The following AGL variants were observed in gnomAD, a reference collection of about 807,000 sequenced individuals.
The protein encoded by AGL is glycogen debranching enzyme.
AGL carries 128 observed loss-of-function variants against 199.3 expected under a neutral mutation model. That is an observed-to-expected ratio of 0.64 (90% CI 0.56 to 0.74). The LOEUF (loss-of-function observed/expected upper bound fraction) is 0.74. AGL is among the 30% of genes least tolerant of loss of function. AGL has a pLI of 0.00. For missense variants in AGL, 1,809 were observed against 1,820.8 expected, an observed-to-expected ratio of 0.99 and a Z score of 0.12; for synonymous variants, 584 against 594.7, an observed-to-expected ratio of 0.98 and a Z score of 0.26.
Position 99,881,138 on chromosome 1 carries a change from T to C in AGL, c.1962T>C (p.Ser654=). ...TTIVSMACCA[S]GSTRGYDELV... is the part of the protein sequence containing the mutation. ...TTGTTTCTATGGCATGTTGTGCTAG[T>C]GGAAGTACAAGAGGCTATGATGAAT... The change falls in exon 15 of 34, where the codon AGT becomes AGC. Residue 654 remains serine, a synonymous_variant. Coordinates refer to ENST00000361915, the MANE Select transcript of AGL (RefSeq NM_000642.3). 6.2e-7 allele frequency: 1 copy of C among 1,614,022 alleles called. No individual in the cohort carries two copies. The highest frequency in any genetic ancestry group is 8.5e-7 in the Non-Finnish European group (1 of 1,179,948).
intron 5 of AGL, among the ~76,000 whole-genome samples, chr1:99,867,543 T>C (rs1044540250): frequency 1.3e-5 from 2 of 152,084 alleles, no homozygotes; most frequent in Non-Finnish European, 2.9e-5. Context: ...GAAGTTCTTT[T>C]TTTTTAATTT....
Position 99,874,726 on chromosome 1 carries a change from T to C in AGL, c.998T>C (p.Leu333Pro). The change falls in exon 8 of 34, where the codon CTT becomes CCT. Residue 333 changes from leucine to proline, a missense_variant. By Grantham distance (98) the Leu-to-Pro change is moderately conservative. Transcript: ENST00000361915. ...ACCAAGTCTGATCCAAACCAACACC[T>C]TACGATTATTCAAGATCCTGAATAC... ...RVTKSDPNQH[L>P]TIIQDPEYRR... is the part of the protein sequence containing the mutation. 2 of 1,613,620 alleles carry C rather than the reference T, an allele frequency of 1.2e-6. No individual in the cohort carries two copies. The highest frequency in any genetic ancestry group is 1.3e-5 in the African/African-American group (1 of 75,024).
In AGL at chr1:99,900,668, G is replaced by C. The variant is rs1216059782; in HGVS notation, c.3395G>C (p.Arg1132Thr). The change falls in exon 26 of 34, where the codon AGG (arginine) becomes ACG (threonine). Residue 1132 changes from arginine to threonine, a missense_variant. By Grantham distance (71) the Arg-to-Thr change is moderately conservative. Transcript: ENST00000361915. ...ATTTTAGCATTTGCGGGTACCCTGA[G>C]GCATGGTCTCATTCCTAATCTACTG... ...NIILAFAGTL[R>T]HGLIPNLLGE... 6.2e-7 allele frequency: 1 copy of C among 1,614,124 alleles called. No individual in the cohort carries two copies. Among genetic ancestry groups the C allele is most frequent in the Non-Finnish European group, 8.5e-7 (1 of 1,180,014 alleles).
intron 17 of AGL, among the ~76,000 whole-genome samples, chr1:99,883,627 A>G (rs1652221641): frequency 6.6e-6 from 1 of 152,190 alleles, no homozygotes; most frequent in African/African-American, 2.4e-5. Flanking sequence ...GGAAAATAAT[A>G]TATGTTGTTT....
intron 7 of AGL, among the ~76,000 whole-genome samples, chr1:99,871,717 T>C (rs1355345298): frequency 6.6e-6 from 1 of 152,186 alleles, no homozygotes; most frequent in Non-Finnish European, 1.5e-5. Flanking sequence ...ATTTTTAATA[T>C]TAACTTTTCT....
chr1:99,881,033 T>C (rs1557763665), intron 14 of AGL, 43 bp from the exon 15 acceptor site: 1 of 1,528,744 alleles, frequency 6.5e-7, no homozygotes, highest in Non-Finnish European at 9.1e-7. Context: ...CACTTTGCAT[T>C]TGAAAGAAAG....
intron 29 of AGL, among the ~76,000 whole-genome samples, chr1:99,912,848 G>A (rs1230407637): frequency 6.6e-6 from 1 of 152,098 alleles, no homozygotes; most frequent in Non-Finnish European, 1.5e-5. Context: ...AAAATAATGT[G>A]AACCACATAC....
chr1:99,919,326 A>G (rs1333778445), intron 33 of AGL, among the ~76,000 whole-genome samples: 2 of 152,184 alleles, frequency 1.3e-5, no homozygotes, highest in Admixed American at 6.5e-5. Flanking sequence ...CAGTTGTATC[A>G]GACAGGAGGG....
At chr1:99,879,665 T>A (rs1053329820) in intron 12 of AGL, among the ~76,000 whole-genome samples, 4 of 152,160 alleles carry the variant, frequency 2.6e-5, no homozygotes, top group African/African-American at 9.7e-5. Context: ...GATTTACATT[T>A]AGTAATATGA....
At chr1:99,874,254 G>GT (rs1320281459) in intron 7 of AGL, among the ~76,000 whole-genome samples, 1 of 57,442 alleles carries the variant, frequency 1.7e-5, no homozygotes, top group Non-Finnish European at 3.1e-5. Context: ...TCCTTAAAGT[G>GT]TTTAAAAAAA....
intron 24 of AGL, among the ~76,000 whole-genome samples, chr1:99,894,437 T>C (rs1653147731): frequency 6.6e-6 from 1 of 152,192 alleles, no homozygotes; most frequent in African/African-American, 2.4e-5. Flanking sequence ...ATTAAATGGG[T>C]CAGAGTACCA....
chr1:99,852,721 A>T, intron 2 of AGL: 1 of 780,538 alleles, frequency 1.3e-6, no homozygotes, highest in Non-Finnish European at 2.4e-6. Flanking sequence ...GAAAGTGGTA[A>T]TTTCTGTTCT....
intron 27 of AGL, among the ~76,000 whole-genome samples, chr1:99,904,630 C>G (rs1282876899): frequency 6.6e-6 from 1 of 152,128 alleles, no homozygotes; most frequent in Non-Finnish European, 1.5e-5. Context: ...ACCCCCAACC[C>G]TGGTCTCTCT....
chr1:99,894,248 A>G (rs909731783), intron 24 of AGL, among the ~76,000 whole-genome samples: 3 of 152,164 alleles, frequency 2.0e-5, no homozygotes, highest in Non-Finnish European at 4.4e-5. Context: ...CACTTAGAAG[A>G]TATGGAATCT....
chr1:99,884,690 AT>A lies in AGL; in HGVS notation c.2670del (p.Pro891LeufsTer9), dbSNP rs764591009. The A allele has an allele frequency of 1.2e-6, 2 of 1,613,860 alleles. No individual in the cohort carries two copies. The highest frequency in any genetic ancestry group is 2.7e-5 in the African/African-American group (2 of 74,926). ...AVDNADPILK[I>X]PFASLASRLT... ...TGACAATGCAGATCCTATATTAAAA[AT>A]TCCTTTTGCTTCGTAAGTATGCCTT... On this transcript the variant is annotated frameshift_variant, in exon 20 of 34. Transcript: ENST00000361915. LOFTEE classifies it high-confidence loss of function.
chr1:99,872,461 C>T (rs1651099484), intron 7 of AGL, among the ~76,000 whole-genome samples: 1 of 152,082 alleles, frequency 6.6e-6, no homozygotes, highest in African/African-American at 2.4e-5. Flanking sequence ...AATATTATCA[C>T]TAACATTAGA....
At chr1:99,874,257 T>TTA (rs1651285158) in intron 7 of AGL, among the ~76,000 whole-genome samples, 1 of 147,346 alleles carries the variant, frequency 6.8e-6, no homozygotes. Flanking sequence ...TTAAAGTGTT[T>TTA]AAAAAAAAAA....
intron 24 of AGL, among the ~76,000 whole-genome samples, chr1:99,893,615 G>A (rs1388061501): frequency 2.0e-5 from 3 of 152,074 alleles, no homozygotes; most frequent in Admixed American, 6.5e-5. Flanking sequence ...TACTGCTGTT[G>A]TTAAACATCT....
chr1:99,908,308 G>C (rs1654476226), intron 27 of AGL, among the ~76,000 whole-genome samples: 1 of 151,274 alleles, frequency 6.6e-6, no homozygotes, highest in Admixed American at 6.6e-5. Flanking sequence ...TGGCACCCTT[G>C]TCAAAAAAAA....
Sources: allele counts gnomAD v4.1 joint callset (sites outside exome capture counted in the v4.1 genomes callset), GRCh38; gene constraint gnomAD v4.1.1; transcripts MANE v1.5; gene names NCBI Gene and HGNC (gene_info 2026-07-23, HGNC 2026-07-21).